Variants in DAAM1 observed in about 807,000 individuals in gnomAD.
The protein encoded by DAAM1 is dishevelled associated activator of morphogenesis 1.
Under a neutral mutation model 130.0 loss-of-function variants are expected in DAAM1, and 52 were observed. The ratio of observed to expected loss-of-function variants is 0.40; its 90% CI spans 0.32 to 0.50. The LOEUF (loss-of-function observed/expected upper bound fraction) is 0.50, where lower values mean the gene tolerates loss of function less well. Among genes scored for constraint, DAAM1 ranks in the 20% least tolerant of loss-of-function variants. The probability of loss-of-function intolerance (pLI) is 0.61; values close to 1 mark genes in which losing one functional copy is unlikely to be tolerated. For synonymous variants in DAAM1, 452 were observed against 444.5 expected (o/e 1.02, Z -0.21); for missense variants, 1,134 against 1,303.8 (o/e 0.87, Z 2.01).
At chr14:59,360,994 C>T (rs1555365870) in intron 22 of DAAM1, 132 bp downstream of exon 22, 2 of 702,498 alleles carry the variant, frequency 2.8e-6, no homozygotes. Context: ...AAAATAAGAA[C>T]CACCACCACA....
chr14:59,273,612 A>T (rs904524451), intron 2 of DAAM1, among the ~76,000 whole-genome samples: 2 of 152,218 alleles, frequency 1.3e-5, no homozygotes, highest in African/African-American at 4.8e-5. Flanking sequence ...CTTAGTCCTT[A>T]TACTACCATA....
Position 59,325,709 on chromosome 14 carries a change from A to G in DAAM1, c.1035A>G (p.Glu345=), listed in dbSNP as rs371451614. The change falls in exon 9 of 25, where the codon GAA becomes GAG. Residue 345 remains glutamate, a synonymous_variant. Transcript: ENST00000360909. ...FEMLRNEDEL[E]FAKRFELVHI... is the part of the protein sequence containing the mutation. ...TGCTCCGAAATGAAGATGAACTAGAATTTGCCAAAAGATTTGAACTGGTAC... is the reference window on the plus strand; with the variant it reads ...TGCTCCGAAATGAAGATGAACTAGAGTTTGCCAAAAGATTTGAACTGGTAC... 41 of 1,613,964 alleles carry G rather than the reference A, an allele frequency of 2.5e-5. No homozygotes were observed. Among genetic ancestry groups the G allele is most frequent in the South Asian group, 4.4e-5 (4 of 91,086 alleles).
chr14:59,284,383 AC>A (rs1883353861), intron 2 of DAAM1, among the ~76,000 whole-genome samples: 1 of 152,148 alleles, frequency 6.6e-6, no homozygotes, highest in Non-Finnish European at 1.5e-5. Flanking sequence ...GTATTATAGA[AC>A]TGCAGATATA....
At chr14:59,360,569 A>AT (rs1476044859) in intron 21 of DAAM1, 1 of 337,984 alleles carries the variant, frequency 3.0e-6, no homozygotes, top group East Asian at 4.5e-5. Context: ...TTTCTATTCT[A>AT]TTTTTAACCT....
At chr14:59,325,832 A>G in intron 9 of DAAM1, 102 bp downstream of exon 9, 1 of 1,527,426 alleles carries the variant, frequency 6.5e-7, no homozygotes, top group Non-Finnish European at 9.0e-7. Context: ...GCAACCTAAA[A>G]GCAAACTCAA....
chr14:59,307,524 T>C (rs1884419037), intron 3 of DAAM1, among the ~76,000 whole-genome samples: 1 of 152,230 alleles, frequency 6.6e-6, no homozygotes, highest in Admixed American at 6.5e-5. Context: ...AGCTAACTGA[T>C]TCTACGTGAT....
At chr14:59,311,565 A>G (rs950587169) in intron 3 of DAAM1, among the ~76,000 whole-genome samples, 1 of 151,886 alleles carries the variant, frequency 6.6e-6, no homozygotes, top group African/African-American at 2.4e-5. Flanking sequence ...TAAAAAAAAA[A>G]AAAAAGAAAA....
At chr14:59,247,850 A>G (rs1881460644) in intron 1 of DAAM1, among the ~76,000 whole-genome samples, 1 of 152,212 alleles carries the variant, frequency 6.6e-6, no homozygotes, top group Admixed American at 6.5e-5. Flanking sequence ...AAACAAGTAT[A>G]TCCATTTTAC....
rs1453260541 is a variant in DAAM1, at chr14:59,331,872, A to G, written c.1920A>G (p.Leu640=). 2.5e-6 allele frequency: 4 copies of G among 1,614,074 alleles called. No homozygotes were observed. The African/African-American group carries it at 5.3e-5, about 22-fold the overall frequency. Reference sequence around the variant, plus strand: ...ATGATACAAAAGTCTTCAAAATTCTAGATCTTGAAGACCTGGAAAGAACCT... The same window carrying G: ...ATGATACAAAAGTCTTCAAAATTCTGGATCTTGAAGACCTGGAAAGAACCT... The part of the protein sequence containing the change: ...EIDDTKVFKI[L]DLEDLERTFS... Residue 640 remains leucine, a synonymous_variant, in exon 15 of 25, where the codon CTA becomes CTG. Transcript: ENST00000360909.
At chr14:59,206,553 G>A (rs1888268667) in intron 1 of DAAM1, among the ~76,000 whole-genome samples, 1 of 152,230 alleles carries the variant, frequency 6.6e-6, no homozygotes, top group Admixed American at 6.5e-5. Context: ...GGGATTACTG[G>A]CGTAAGCCAC....
intron 3 of DAAM1, among the ~76,000 whole-genome samples, chr14:59,311,005 T>C (rs1213570450): frequency 2.6e-5 from 4 of 152,116 alleles, no homozygotes; most frequent in Non-Finnish European, 5.9e-5. Context: ...GACATACTTA[T>C]GTATTATTAT....
At chr14:59,342,329 C>T (rs1885881543) in intron 16 of DAAM1, among the ~76,000 whole-genome samples, 1 of 152,308 alleles carries the variant, frequency 6.6e-6, no homozygotes, top group Admixed American at 6.5e-5. Context: ...TGATTCAGTG[C>T]CCCGTCCTTT....
chr14:59,198,132 CG>C (rs1017056811), intron 1 of DAAM1, among the ~76,000 whole-genome samples: 3 of 151,988 alleles, frequency 2.0e-5, no homozygotes, highest in Non-Finnish European at 2.9e-5. Flanking sequence ...TGCGTACACT[CG>C]GGGACATTCA....
chr14:59,269,183 C>T (rs780264692), intron 2 of DAAM1, among the ~76,000 whole-genome samples: 10 of 152,196 alleles, frequency 6.6e-5, no homozygotes, highest in Non-Finnish European at 1.3e-4. Context: ...ACTAAATGTG[C>T]AATCTTATCA....
At chr14:59,205,886 C>T (rs547265651) in intron 1 of DAAM1, among the ~76,000 whole-genome samples, 6 of 152,166 alleles carry the variant, frequency 3.9e-5, no homozygotes, top group South Asian at 4.1e-4. Context: ...TGTAAAGGTT[C>T]GGGTGGTAAG....
intron 17 of DAAM1, among the ~76,000 whole-genome samples, chr14:59,347,966 T>G (rs1886146173): frequency 1.3e-5 from 2 of 152,182 alleles, no homozygotes; most frequent in East Asian, 1.9e-4. Context: ...ACTAGCACTG[T>G]GAGATTGCAA....
At chr14:59,255,438 A>G (rs1175560477) in intron 1 of DAAM1, among the ~76,000 whole-genome samples, 1 of 152,164 alleles carries the variant, frequency 6.6e-6, no homozygotes, top group Non-Finnish European at 1.5e-5. Flanking sequence ...TATTTGGGAA[A>G]TGAAACCAGA....
At chr14:59,367,213 G>A (rs916286450) in intron 23 of DAAM1, among the ~76,000 whole-genome samples, 2 of 152,086 alleles carry the variant, frequency 1.3e-5, no homozygotes, top group African/African-American at 2.4e-5. Flanking sequence ...GCTTGAACCC[G>A]AGAGACAGAG....
Position 59,234,616 on chromosome 14 carries a change from A to T in DAAM1, c.-37-28825A>T, listed in dbSNP as rs1889231236. On this transcript the variant is annotated intron_variant, in intron 1 of 24. Coordinates refer to ENST00000360909, the MANE Select transcript of DAAM1 (RefSeq NM_001270520.2). ...CTCTCTTCCTATTTGAATACCCTTT[A>T]TTTCTTTCTCTTGCCTGATTGCCAT... Among the ~76,000 whole-genome samples the T allele has an allele frequency of 1.3e-5, 2 of 152,042 alleles. 1 individual carries two copies. Among genetic ancestry groups the T allele is most frequent in the South Asian group, 4.2e-4 (2 of 4,816 alleles).
Sources: gnomAD v4.1 joint callset for allele counts (sites outside exome capture counted in the v4.1 genomes callset) on GRCh38, gnomAD v4.1.1 for gene constraint, MANE v1.5 for transcripts, NCBI Gene and HGNC (gene_info 2026-07-23, HGNC 2026-07-21) for gene names.